The following SEMA4B variants were observed in gnomAD, a reference collection of about 807,000 sequenced individuals.
The protein encoded by SEMA4B is semaphorin-4B.
A neutral mutation model predicts 88.1 loss-of-function variants in SEMA4B; 55 were observed. The ratio of observed to expected loss-of-function variants is 0.62; its 90% confidence interval spans 0.50 to 0.78. The LOEUF is 0.78. SEMA4B is among the 30% of genes least tolerant of loss of function. The pLI, the probability that SEMA4B is intolerant of heterozygous loss-of-function variation, is 0.00. For missense variants in SEMA4B, 1,062 were observed against 1,111.9 expected (o/e 0.96, Z 0.64); for synonymous variants, 525 against 473.6 (o/e 1.11, Z -1.41).
rs776397779 is a variant in SEMA4B, at chr15:90,225,168, C to T, written c.1395C>T (p.Phe465=). The change falls in exon 10 of 14, where the codon TTC becomes TTT. Residue 465 remains phenylalanine, a synonymous_variant. Coordinates refer to ENST00000411539, the MANE Select transcript of SEMA4B (RefSeq NM_198925.4). ...PGLHHTYDVL[F]LGTGDGRLHK... ...TGCACCACACCTACGATGTCCTCTT[C>T]CTGGGCACTGGTAAGTGTCTGCAGC... The T allele has an allele frequency of 6.9e-6, 11 of 1,602,480 alleles. No individual in the cohort carries two copies. Among genetic ancestry groups the T allele is most frequent in the South Asian group, 1.1e-5 (1 of 89,944 alleles).
chr15:90,214,389 G>T (rs962451333), intron 1 of SEMA4B, among the ~76,000 whole-genome samples: 1 of 150,256 alleles, frequency 6.7e-6, no homozygotes, highest in Non-Finnish European at 1.5e-5. Flanking sequence ...TGTAATCCCA[G>T]CACTTTGGGA....
rs572269320 is a variant in SEMA4B at position 90,221,227 on chromosome 15, G to A, written c.595+134G>A. 1.9e-5 allele frequency: 21 copies of A among 1,113,114 alleles called. No individual in the cohort carries two copies. The African/African-American group carries it at 3.0e-4, about 16-fold the overall frequency. 69.0% of individuals were successfully genotyped at this position (1,113,114 alleles called of 1,614,324 possible). ...GACAGAATGGCCAGGGGCTTGCCTTGGGTTTGGTTTTTCCAAGTTCCAGCT... is the reference window on the plus strand; with the variant it reads ...GACAGAATGGCCAGGGGCTTGCCTTAGGTTTGGTTTTTCCAAGTTCCAGCT... On this transcript the variant is annotated intron_variant, in intron 5 of 13. Transcript: ENST00000411539.
intron 3 of SEMA4B, among the ~76,000 whole-genome samples, chr15:90,218,616 C>T (rs1178960306): frequency 6.6e-6 from 1 of 152,162 alleles, no homozygotes; most frequent in Non-Finnish European, 1.5e-5. Context: ...AGTTCGAGAC[C>T]AGCCAGGCCA....
In SEMA4B at chr15:90,205,036, A is replaced by G. The variant is rs188948406; in HGVS notation, c.157+3301A>G. Among the ~76,000 whole-genome samples, 3 of 152,282 alleles carry G rather than the reference A, an allele frequency of 2.0e-5. 1 individual carries two copies. Among genetic ancestry groups the G allele is most frequent in the East Asian group, 3.9e-4 (2 of 5,186 alleles). On this transcript the variant is annotated intron_variant, in intron 1 of 13. Transcript: ENST00000411539. Reference sequence around the variant, plus strand: ...GTGATCTGCCCATCTTGGCCTCCCAAAGTGCTGGGATTACAGGCATGAGCC... The same window carrying G: ...GTGATCTGCCCATCTTGGCCTCCCAGAGTGCTGGGATTACAGGCATGAGCC...
Position 90,229,421 on chromosome 15 carries a change from G to C in SEMA4B, c.*778G>C, listed in dbSNP as rs1015235069. ...TTCCTCCGTTGTTGCGTGAGAACCC[G>C]TGTGCCCCTTCCCACCATATCCACC... is the stretch of plus-strand genomic sequence containing the variant. On this transcript the variant is annotated 3_prime_UTR_variant, in exon 14 of 14. Coordinates refer to ENST00000411539, the MANE Select transcript of SEMA4B (RefSeq NM_198925.4). 1.1e-5 allele frequency: 5 copies of C among 456,412 alleles called. No individual in the cohort carries two copies. Among genetic ancestry groups the C allele is most frequent in the Non-Finnish European group, 1.8e-5 (4 of 226,916 alleles). The allele number at this position is 456,412 out of a possible 1,614,324, so 28.3% of individuals were successfully genotyped here. A position where few individuals can be genotyped will look rare whatever the true frequency, so the allele number is the denominator to read the frequency against.
chr15:90,190,059 A>G (rs1960299934), intron 1 of SEMA4B, among the ~76,000 whole-genome samples: 1 of 152,208 alleles, frequency 6.6e-6, no homozygotes, highest in Admixed American at 6.5e-5. Flanking sequence ...GCTAGGGCCA[A>G]GCTGGGGCTC....
At chr15:90,194,392 C>T (rs1183900190) in intron 1 of SEMA4B, among the ~76,000 whole-genome samples, 4 of 151,882 alleles carry the variant, frequency 2.6e-5, no homozygotes, top group African/African-American at 7.3e-5. Context: ...ATTAGCCGGG[C>T]GTGGTGGCGC....
At chr15:90,227,484 C>A in intron 12 of SEMA4B, 73 bp from the exon 13 acceptor site, 1 of 1,432,404 alleles carries the variant, frequency 7.0e-7, no homozygotes, top group Non-Finnish European at 9.7e-7. Flanking sequence ...AGGCCCAAGT[C>A]TGCAGTGAGG....
intron 1 of SEMA4B, among the ~76,000 whole-genome samples, chr15:90,194,426 G>C (rs995619058): frequency 1.1e-4 from 17 of 152,050 alleles, no homozygotes; most frequent in Non-Finnish European, 2.2e-4. Flanking sequence ...CAGCTACTCG[G>C]GAGGCTGAGG....
rs199526841 is a variant in SEMA4B at position 90,228,308 on chromosome 15, C to T, written c.2179C>T (p.Leu727=). The T allele has an allele frequency of 1.9e-6, 3 of 1,594,300 alleles. No homozygotes were observed. The highest frequency in any genetic ancestry group is 2.6e-6 in the Non-Finnish European group (3 of 1,169,552). The part of the protein sequence containing the change: ...EFLVMCTLFV[L]AVLLPVLFLL... ...CCTGGTGATGTGCACGCTCTTTGTG[C>T]TGGCCGTGCTGCTCCCAGTTTTATT... Residue 727 remains leucine (L), a synonymous_variant, in exon 14 of 14, where the codon CTG becomes TTG. Transcript: ENST00000411539.
Position 90,201,430 on chromosome 15 carries a change from A to T in SEMA4B, c.-149A>T. ...GGCTGAGTTTGCCAGGGCCCACTTG[A>T]CCCTGTTTCCCACCTCCCGCCCCCC... On this transcript the variant is annotated 5_prime_UTR_variant, in exon 1 of 14. Transcript: ENST00000411539. 7.7e-7 allele frequency: 1 copy of T among 1,295,416 alleles called. No individual in the cohort carries two copies. Among genetic ancestry groups the T allele is most frequent in the Non-Finnish European group, 9.8e-7 (1 of 1,024,666 alleles). 80.2% of individuals were successfully genotyped at this position (1,295,416 alleles called of 1,614,324 possible). A position where few individuals can be genotyped will look rare whatever the true frequency, so the allele number is the denominator to read the frequency against.
intron 1 of SEMA4B, among the ~76,000 whole-genome samples, chr15:90,209,173 T>TGA: frequency 6.6e-6 from 1 of 152,186 alleles, no homozygotes; most frequent in South Asian, 2.1e-4. Flanking sequence ...ATGGAACAAC[T>TGA]GCTGGGAGCT....
Position 90,228,660 on chromosome 15 carries a change from G to A in SEMA4B, c.*17G>A, listed in dbSNP as rs767005375. The A allele has an allele frequency of 8.7e-6, 14 of 1,612,822 alleles. No homozygotes were observed. The East Asian group carries it at 3.1e-4, about 36-fold the overall frequency. On this transcript the variant is annotated 3_prime_UTR_variant, in exon 14 of 14. Coordinates refer to ENST00000411539, the MANE Select transcript of SEMA4B (RefSeq NM_198925.4). ...GTGGTGTGAGAGCTGACTTCCAGAG[G>A]ACGCTGCCCTGGCTTCAGGGGCTGT...
chr15:90,207,235 C>A (rs1961036652), intron 1 of SEMA4B, among the ~76,000 whole-genome samples: 1 of 152,218 alleles, frequency 6.6e-6, no homozygotes, highest in African/African-American at 2.4e-5. Flanking sequence ...TTCTGCACTC[C>A]TGGATCCATC....
chr15:90,206,681 G>C lies in SEMA4B; in HGVS notation c.157+4946G>C, dbSNP rs1961006011. The C allele has an allele frequency of 8.6e-6, 6 of 697,520 alleles. No homozygotes were observed. In the East Asian group the frequency reaches 1.5e-4, roughly 18 times the overall value. The allele number at this position is 697,520 out of a possible 1,614,324, so 43.2% of individuals were successfully genotyped here. A position where few individuals can be genotyped will look rare whatever the true frequency, so the allele number is the denominator to read the frequency against. ...TGGCCTAGCACATGGAATTCGCAAA[G>C]CTACCAAAGCCTTAGACAAGCGCCA... is the stretch of plus-strand genomic sequence containing the variant. On this transcript the variant is annotated intron_variant, in intron 1 of 13. Coordinates refer to ENST00000411539, the MANE Select transcript of SEMA4B (RefSeq NM_198925.4).
chr15:90,211,341 C>T (rs748253712), intron 1 of SEMA4B, among the ~76,000 whole-genome samples: 11 of 152,180 alleles, frequency 7.2e-5, no homozygotes, highest in Admixed American at 2.0e-4. Flanking sequence ...GGGGCATGCC[C>T]CAGGAGCACA....
At chr15:90,194,480 T>C (rs891692787) in intron 1 of SEMA4B, among the ~76,000 whole-genome samples, 1 of 151,934 alleles carries the variant, frequency 6.6e-6, no homozygotes, top group Non-Finnish European at 1.5e-5. Flanking sequence ...TGCAGTGAGC[T>C]GATATCATGC....
At chr15:90,221,324 C>T in intron 5 of SEMA4B, 43 bp from the exon 6 acceptor site, 1 of 1,472,260 alleles carries the variant, frequency 6.8e-7, no homozygotes, top group South Asian at 1.2e-5. Context: ...GGAGAAGGGG[C>T]CGTGCTGAGG....
chr15:90,213,553 A>G (rs1200158512), intron 1 of SEMA4B, among the ~76,000 whole-genome samples: 1 of 152,090 alleles, frequency 6.6e-6, no homozygotes, highest in Non-Finnish European at 1.5e-5. Flanking sequence ...AGCCGGCTGC[A>G]CTCTGTAGTG....
Sources: allele counts gnomAD v4.1 joint callset (sites outside exome capture counted in the v4.1 genomes callset), GRCh38; gene constraint gnomAD v4.1.1; transcripts MANE v1.5; gene names NCBI Gene and HGNC (gene_info 2026-07-23, HGNC 2026-07-21).